GABBR2: variants seen among roughly 807,000 people sequenced by gnomAD.
The protein encoded by GABBR2 is gamma-aminobutyric acid type B receptor subunit 2.
A neutral mutation model predicts 105.6 loss-of-function variants in GABBR2; 23 were observed. That is an observed-to-expected ratio of 0.22 (90% CI 0.16 to 0.31). The LOEUF is 0.31. GABBR2 is among the 10% of genes least tolerant of loss of function. GABBR2 has a pLI of 1.00. For synonymous variants in GABBR2, 478 were observed against 499.7 expected, an observed-to-expected ratio of 0.96 and a Z score of 0.58; for missense variants, 734 against 1,245.5, an observed-to-expected ratio of 0.59 and a Z score of 6.18.
chr9:98,486,367 A>G (rs1406749824), intron 4 of GABBR2, among the ~76,000 whole-genome samples: 1 of 152,194 alleles, frequency 6.6e-6, no homozygotes, highest in Non-Finnish European at 1.5e-5. Context: ...AAGGATATAA[A>G]TGGCAAATGC....
intron 12 of GABBR2, among the ~76,000 whole-genome samples, chr9:98,368,164 C>T (rs1348944072): frequency 6.6e-6 from 1 of 152,050 alleles, no homozygotes; most frequent in Non-Finnish European, 1.5e-5. Flanking sequence ...CCTGGTGACA[C>T]AATTACCATC....
intron 7 of GABBR2, among the ~76,000 whole-genome samples, chr9:98,422,365 G>T (rs117092509): frequency 6.6e-6 from 1 of 152,166 alleles, no homozygotes; most frequent in African/African-American, 2.4e-5. Flanking sequence ...ACAGGAGCAG[G>T]CATTCAGGAC....
At position 98,306,351 on chromosome 9, in the gene GABBR2, A is replaced by G; in HGVS notation, c.2005-6T>C. The stretch of plus-strand genomic sequence containing the variant: ...GCTAAGAAACAACCGAACAACTGAA[A>G]TGGTGAACAGAAAGGGGAGAGATGA... On this transcript the variant is annotated splice_polypyrimidine_tract_variant and splice_region_variant and intron_variant, in intron 14 of 18. Transcript: ENST00000259455. The surrounding 1 kb of genome is among the most constrained non-coding windows in gnomAD (Gnocchi z 5.4). The G allele has an allele frequency of 6.2e-7, 1 of 1,601,606 alleles. No homozygotes were observed. The highest frequency in any genetic ancestry group is 2.2e-5 in the East Asian group (1 of 44,628).
intron 3 of GABBR2, among the ~76,000 whole-genome samples, chr9:98,500,414 G>A (rs993515246): frequency 2.0e-4 from 30 of 152,280 alleles, no homozygotes; most frequent in Non-Finnish European, 4.0e-4. Flanking sequence ...CCCTCACCTG[G>A]AAGGGAGCCC....
intron 1 of GABBR2, among the ~76,000 whole-genome samples, chr9:98,583,824 T>G (rs1829034409): frequency 6.6e-6 from 1 of 152,182 alleles, no homozygotes; most frequent in Non-Finnish European, 1.5e-5. Flanking sequence ...GTATTTCACA[T>G]TTTCCCTTCT....
intron 2 of GABBR2, among the ~76,000 whole-genome samples, chr9:98,575,143 A>T (rs7042909): frequency 0.059 from 8,990 of 152,108 alleles, 282 homozygotes; most frequent in Middle Eastern, 0.092. Context: ...GGAGTGGGAC[A>T]CTGGGCTGTG....
chr9:98,551,783 G>C (rs962342993), intron 2 of GABBR2, among the ~76,000 whole-genome samples: 6 of 152,182 alleles, frequency 3.9e-5, no homozygotes, highest in Non-Finnish European at 8.8e-5. Flanking sequence ...AGGGAGCCGG[G>C]ACATTTAGGC....
chr9:98,431,413 C>CT (rs1825806718), intron 7 of GABBR2, among the ~76,000 whole-genome samples: 1 of 152,006 alleles, frequency 6.6e-6, no homozygotes, highest in Non-Finnish European at 1.5e-5. Flanking sequence ...TTCCTAGCTC[C>CT]TAGGGCAGTA....
intron 13 of GABBR2, among the ~76,000 whole-genome samples, chr9:98,315,216 C>T (rs968686775): frequency 6.6e-6 from 1 of 152,170 alleles, no homozygotes; most frequent in African/African-American, 2.4e-5. Context: ...TAAGCACAGT[C>T]CTGGCAGGAG....
chr9:98,411,120 A>G (rs1832584309), intron 7 of GABBR2, among the ~76,000 whole-genome samples: 1 of 152,214 alleles, frequency 6.6e-6, no homozygotes, highest in South Asian at 2.1e-4. Flanking sequence ...CACAGAAGGG[A>G]AAGTTCCAAG....
intron 1 of GABBR2, among the ~76,000 whole-genome samples, chr9:98,618,724 C>T (rs1342701913): frequency 1.3e-5 from 2 of 152,288 alleles, no homozygotes; most frequent in African/African-American, 4.8e-5. Flanking sequence ...GCTACCACCT[C>T]CCCAGCAGCC....
chr9:98,446,481 T>G (rs889489951), intron 7 of GABBR2, among the ~76,000 whole-genome samples: 1 of 152,210 alleles, frequency 6.6e-6, no homozygotes, highest in African/African-American at 2.4e-5. Context: ...TTTGTAATTC[T>G]TGTTATAGTT....
At chr9:98,512,761 C>G (rs894787335) in intron 3 of GABBR2, among the ~76,000 whole-genome samples, 71 of 152,248 alleles carry the variant, frequency 4.7e-4, no homozygotes, top group South Asian at 8.3e-4. Context: ...AAACAGGATA[C>G]AAACAAATGG....
intron 11 of GABBR2, among the ~76,000 whole-genome samples, chr9:98,378,499 ACAAT>A (rs1831917689): frequency 6.6e-6 from 1 of 152,174 alleles, no homozygotes; most frequent in African/African-American, 2.4e-5. Context: ...TTTATCTTAC[ACAAT>A]CAGTCTCCAA....
chr9:98,563,686 A>G (rs1442629538), intron 2 of GABBR2, among the ~76,000 whole-genome samples: 2 of 152,214 alleles, frequency 1.3e-5, no homozygotes, highest in African/African-American at 4.8e-5. Context: ...TGGGGAAAAT[A>G]GAGAAAATTA....
intron 5 of GABBR2, among the ~76,000 whole-genome samples, chr9:98,475,123 G>A (rs1321253750): frequency 6.6e-6 from 1 of 152,070 alleles, no homozygotes; most frequent in African/African-American, 2.4e-5. Flanking sequence ...CGATGATACA[G>A]GACCTTCGCT....
chr9:98,635,243 T>C (rs1829861381), intron 1 of GABBR2, among the ~76,000 whole-genome samples: 1 of 152,146 alleles, frequency 6.6e-6, no homozygotes, highest in Non-Finnish European at 1.5e-5. Context: ...CCAGAACTTC[T>C]AGCAACCACA....
intron 16 of GABBR2, among the ~76,000 whole-genome samples, chr9:98,301,083 T>C (rs1389339603): frequency 2.0e-5 from 3 of 152,188 alleles, no homozygotes; most frequent in African/African-American, 7.2e-5. Context: ...ATGTCCTTGG[T>C]AATAAGCTGG....
At chr9:98,475,737 C>T (rs935114527) in intron 5 of GABBR2, among the ~76,000 whole-genome samples, 5 of 152,156 alleles carry the variant, frequency 3.3e-5, no homozygotes, top group African/African-American at 1.2e-4. Context: ...AAGGTTGTGG[C>T]AAGGAGACAG....
Sources: gnomAD v4.1 joint callset for allele counts (sites outside exome capture counted in the v4.1 genomes callset) on GRCh38, gnomAD v4.1.1 for gene constraint, Gnocchi (gnomAD v3.1) non-coding constraint, MANE v1.5 for transcripts, NCBI Gene and HGNC (gene_info 2026-07-23, HGNC 2026-07-21) for gene names.